TBC1D5: variants seen among roughly 807,000 people sequenced by gnomAD.
TBC1D5 encodes TBC1 domain family member 5.
Under a neutral mutation model 100.3 loss-of-function variants are expected in TBC1D5, and 75 were observed. The observed-to-expected ratio is 0.75, with a 90% CI of 0.62 to 0.91. The LOEUF is 0.91. TBC1D5 is among the 40% of genes least tolerant of loss of function. TBC1D5 has a pLI of 0.00. For missense variants in TBC1D5, 910 were observed against 942.4 expected (o/e 0.97, Z 0.45); for synonymous variants, 323 against 325.6 (o/e 0.99, Z 0.09).
At chr3:17,663,441 A>G (rs2153747683) in intron 1 of TBC1D5, among the ~76,000 whole-genome samples, 1 of 152,202 alleles carries the variant, frequency 6.6e-6, no homozygotes, top group South Asian at 2.1e-4. Context: ...GTAACAGGTA[A>G]ATGGTATTAA....
At chr3:17,556,371 C>A (rs1344557902) in intron 2 of TBC1D5, among the ~76,000 whole-genome samples, 2 of 152,148 alleles carry the variant, frequency 1.3e-5, no homozygotes, top group Non-Finnish European at 2.9e-5. Context: ...GTTTAAAATT[C>A]ATTTCCATTT....
At chr3:17,531,792 C>T (rs1458341897) in intron 2 of TBC1D5, among the ~76,000 whole-genome samples, 1 of 152,158 alleles carries the variant, frequency 6.6e-6, no homozygotes, top group Non-Finnish European at 1.5e-5. Flanking sequence ...ATGTAGAAAG[C>T]TGAAACTGGA....
intron 4 of TBC1D5, among the ~76,000 whole-genome samples, chr3:17,411,273 AC>A (rs2149099547): frequency 6.6e-6 from 1 of 152,184 alleles, no homozygotes; most frequent in South Asian, 2.1e-4. Flanking sequence ...GCTATTGCAT[AC>A]TTAATAGATG....
At chr3:17,741,360 G>C (rs879687299), upstream of TBC1D5, among the ~76,000 whole-genome samples, 1 of 152,210 alleles carries the variant, frequency 6.6e-6, no homozygotes, top group African/African-American at 2.4e-5. Context: ...CACGGAATCA[G>C]AAAAGCCCAA....
In TBC1D5 at chr3:17,203,044, G is replaced by T. The variant is rs182858512; in HGVS notation, c.1752+11163C>A. Among the ~76,000 whole-genome samples, 28 of 151,800 alleles carry T rather than the reference G, an allele frequency of 1.8e-4. No homozygotes were observed. In the East Asian group the frequency reaches 5.2e-3, roughly 28 times the overall value. On this transcript the variant is annotated intron_variant, in intron 18 of 21. Transcript: ENST00000253692. ...GATCTATTGACAGCTTGTACTGTGT[G>T]CCTGGAAATGCCACAGTCACTAAAT...
intron 1 of TBC1D5, among the ~76,000 whole-genome samples, chr3:17,627,445 T>C (rs2063148866): frequency 6.6e-6 from 1 of 152,156 alleles, no homozygotes. Flanking sequence ...AAAATTATAC[T>C]ACACTAACAA....
intron 13 of TBC1D5, among the ~76,000 whole-genome samples, chr3:17,342,438 A>G (rs2089139386): frequency 6.6e-6 from 1 of 152,208 alleles, no homozygotes; most frequent in South Asian, 2.1e-4. Flanking sequence ...TTACAGGGCT[A>G]ATTTCTTCTA....
intron 2 of TBC1D5, among the ~76,000 whole-genome samples, chr3:17,540,344 G>C (rs1047755054): frequency 6.6e-6 from 1 of 152,090 alleles, no homozygotes; most frequent in African/African-American, 2.4e-5. Context: ...TTTTCATGTA[G>C]TCCTCTATGT....
intron 2 of TBC1D5, among the ~76,000 whole-genome samples, chr3:17,619,580 CATAAAA>C (rs1469037902): frequency 2.0e-5 from 3 of 152,096 alleles, no homozygotes; most frequent in South Asian, 2.1e-4. Flanking sequence ...TCATATCATA[CATAAAA>C]ATAAACTGCA....
chr3:17,676,600 C>A (rs1162226194), intron 1 of TBC1D5, among the ~76,000 whole-genome samples: 1 of 152,130 alleles, frequency 6.6e-6, no homozygotes, highest in East Asian at 1.9e-4. Context: ...AGATTCAATG[C>A]CATCCCCATC....
intron 8 of TBC1D5, 131 bp from the exon 9 acceptor site, chr3:17,384,146 T>G: frequency 1.5e-6 from 1 of 668,202 alleles, no homozygotes; most frequent in Non-Finnish European, 2.5e-6. Flanking sequence ...ATGTAACTTA[T>G]GCCTTTAGTG....
intron 17 of TBC1D5, among the ~76,000 whole-genome samples, chr3:17,218,835 C>T (rs1432941820): frequency 6.6e-6 from 1 of 151,942 alleles, no homozygotes; most frequent in Non-Finnish European, 1.5e-5. Flanking sequence ...TTTCAATACT[C>T]TCTTTGTTGT....
intron 3 of TBC1D5, among the ~76,000 whole-genome samples, chr3:17,431,043 C>T (rs958754814): frequency 6.6e-6 from 1 of 151,816 alleles, no homozygotes; most frequent in Non-Finnish European, 1.5e-5. Context: ...ACTACTGAAT[C>T]TAATTTGGAG....
intron 3 of TBC1D5, among the ~76,000 whole-genome samples, chr3:17,453,084 A>T (rs1453960334): frequency 6.6e-6 from 1 of 151,312 alleles, no homozygotes; most frequent in East Asian, 1.9e-4. Context: ...AGAAATAAAA[A>T]AAAAAAAAAA....
chr3:17,692,264 G>C (rs1391455859), intron 1 of TBC1D5, among the ~76,000 whole-genome samples: 1 of 151,968 alleles, frequency 6.6e-6, no homozygotes, highest in Admixed American at 6.6e-5. Context: ...GCTAATTTTT[G>C]TATTTTTAGT....
chr3:17,243,226 G>A (rs543550069), intron 16 of TBC1D5, among the ~76,000 whole-genome samples: 2 of 152,180 alleles, frequency 1.3e-5, no homozygotes, highest in Non-Finnish European at 2.9e-5. Flanking sequence ...CTAAAATAAG[G>A]GAGCTGAATT....
At chr3:17,641,141 G>A (rs1044437071) in intron 1 of TBC1D5, among the ~76,000 whole-genome samples, 6 of 152,110 alleles carry the variant, frequency 3.9e-5, no homozygotes, top group Non-Finnish European at 8.8e-5. Context: ...GACAGTTAAT[G>A]TGCTTACTGC....
At chr3:17,704,720 C>A (rs1436955581) in intron 1 of TBC1D5, among the ~76,000 whole-genome samples, 5 of 58,304 alleles carry the variant, frequency 8.6e-5, no homozygotes, top group African/African-American at 3.0e-4. Flanking sequence ...ACCTCCCTCC[C>A]GGACGGGGCG....
intron 14 of TBC1D5, among the ~76,000 whole-genome samples, chr3:17,300,662 G>GA (rs1174759770): frequency 1.3e-5 from 2 of 152,174 alleles, no homozygotes; most frequent in South Asian, 2.1e-4. Context: ...TACGCTGGCT[G>GA]AAAAAACAAG....
Sources: gnomAD v4.1 joint callset for allele counts (sites outside exome capture counted in the v4.1 genomes callset) on GRCh38, gnomAD v4.1.1 for gene constraint, MANE v1.5 for transcripts, NCBI Gene and HGNC (gene_info 2026-07-23, HGNC 2026-07-21) for gene names.